Variants in SHANK2 observed in about 807,000 individuals in gnomAD.
SHANK2 encodes the protein SH3 and multiple ankyrin repeat domains 2.
In SHANK2, 43 loss-of-function variants were observed where a neutral mutation model predicts 133.7. The observed-to-expected ratio is 0.32, with a 90% confidence interval of 0.25 to 0.41. The LOEUF (loss-of-function observed/expected upper bound fraction) is 0.41. SHANK2 is among the 10% of genes least tolerant of loss of function. The pLI is 1.00. For synonymous variants in SHANK2, 1,017 were observed against 952.8 expected, an observed-to-expected ratio of 1.07 and a Z score of -1.24; for missense variants, 1,994 against 2,235.8, an observed-to-expected ratio of 0.89 and a Z score of 2.18.
chr11:70,920,703 G>C (rs1270109899), intron 10 of SHANK2, among the ~76,000 whole-genome samples: 2 of 152,220 alleles, frequency 1.3e-5, no homozygotes, highest in African/African-American at 2.4e-5. Context: ...GGGAGAATCT[G>C]AAACCACTAC....
At chr11:71,107,275 G>C (rs1951816064) in intron 6 of SHANK2, among the ~76,000 whole-genome samples, 1 of 152,158 alleles carries the variant, frequency 6.6e-6, no homozygotes, top group Non-Finnish European at 1.5e-5. Context: ...CACGCATTCT[G>C]TCCTTGAGCA....
chr11:70,550,857 C>T (rs2059756399), intron 17 of SHANK2, among the ~76,000 whole-genome samples: 3 of 152,194 alleles, frequency 2.0e-5, no homozygotes, highest in Admixed American at 1.3e-4. Flanking sequence ...GCCTCAGGGC[C>T]TCCATGGAGC....
chr11:70,612,389 C>G (rs540840720), intron 17 of SHANK2, among the ~76,000 whole-genome samples: 1 of 152,184 alleles, frequency 6.6e-6, no homozygotes, highest in Non-Finnish European at 1.5e-5. Flanking sequence ...TCGCCAGGTA[C>G]AGCTGCAGGC....
At chr11:70,533,395 T>C (rs908732387) in intron 17 of SHANK2, among the ~76,000 whole-genome samples, 6 of 152,160 alleles carry the variant, frequency 3.9e-5, no homozygotes, top group Admixed American at 2.6e-4. Context: ...TGGACTTCTT[T>C]TTAAAAAGAC....
chr11:71,114,544 G>A (rs1171194262), intron 4 of SHANK2, among the ~76,000 whole-genome samples: 1 of 152,154 alleles, frequency 6.6e-6, no homozygotes, highest in Non-Finnish European at 1.5e-5. Context: ...TTTTCAACTG[G>A]CCAAATAAAC....
intron 17 of SHANK2, among the ~76,000 whole-genome samples, chr11:70,628,545 G>A (rs1269955816): frequency 6.6e-6 from 1 of 152,182 alleles, no homozygotes; most frequent in Non-Finnish European, 1.5e-5. Flanking sequence ...GAAATGTCCT[G>A]CAACAGCTCC....
intron 22 of SHANK2, among the ~76,000 whole-genome samples, chr11:70,490,902 G>A (rs2058878145): frequency 6.6e-6 from 1 of 152,242 alleles, no homozygotes; most frequent in Admixed American, 6.5e-5. Flanking sequence ...AGGTATTGTG[G>A]TGGTGTGTGG....
Position 71,101,319 on chromosome 11 carries a change from G to A in SHANK2, c.593-6631C>T, listed in dbSNP as rs377257970. On this transcript the variant is annotated intron_variant, in intron 6 of 25. Transcript: ENST00000601538. The stretch of plus-strand genomic sequence containing the variant: ...TTCCTTACTGAAGGCACGGCACCTC[G>A]CTCCATCTAAGAGTCACCTATATTC... Among the ~76,000 whole-genome samples the A allele has an allele frequency of 9.2e-5, 14 of 152,184 alleles. No homozygotes were observed. In the East Asian group the frequency reaches 9.7e-4, roughly 11 times the overall value.
At chr11:70,628,152 GT>G (rs1451561242) in intron 17 of SHANK2, among the ~76,000 whole-genome samples, 1 of 152,124 alleles carries the variant, frequency 6.6e-6, no homozygotes, top group Non-Finnish European at 1.5e-5. Context: ...TAGAGACGGG[GT>G]TTCACCATGT....
At chr11:70,874,210 T>C (rs782556376) in intron 11 of SHANK2, among the ~76,000 whole-genome samples, 14 of 152,286 alleles carry the variant, frequency 9.2e-5, no homozygotes, top group South Asian at 4.2e-4. Flanking sequence ...TCCATATCTA[T>C]ATACTCCATC....
intron 17 of SHANK2, among the ~76,000 whole-genome samples, chr11:70,606,756 G>T (rs782422201): frequency 6.6e-6 from 1 of 152,134 alleles, no homozygotes; most frequent in Non-Finnish European, 1.5e-5. Context: ...TGGACCGTCT[G>T]CTCCTTGGGC....
At chr11:70,903,391 T>TA (rs375352181) in intron 10 of SHANK2, among the ~76,000 whole-genome samples, 1 of 125,826 alleles carries the variant, frequency 7.9e-6, no homozygotes. Flanking sequence ...TAAAATAAAG[T>TA]AAATAAAATA....
chr11:70,520,425 AT>A (rs1205908081), intron 17 of SHANK2, among the ~76,000 whole-genome samples: 1 of 151,884 alleles, frequency 6.6e-6, no homozygotes, highest in South Asian at 2.1e-4. Context: ...CTGAATTAAG[AT>A]TTTTTTTCCT....
At chr11:70,717,180 C>T (rs1013196069) in intron 14 of SHANK2, among the ~76,000 whole-genome samples, 6 of 152,204 alleles carry the variant, frequency 3.9e-5, no homozygotes, top group South Asian at 4.1e-4. Flanking sequence ...GCCAGCCTTG[C>T]AGGGACTTTC....
chr11:70,745,928 G>C (rs1204019182), intron 14 of SHANK2, among the ~76,000 whole-genome samples: 1 of 152,238 alleles, frequency 6.6e-6, no homozygotes, highest in Non-Finnish European at 1.5e-5. Flanking sequence ...GTCAAAAAAG[G>C]CCTCGGATGT....
chr11:71,124,583 A>C (rs1455387870), intron 3 of SHANK2, among the ~76,000 whole-genome samples: 8 of 152,104 alleles, frequency 5.3e-5, no homozygotes, highest in African/African-American at 9.7e-5. Context: ...CTCTAGATAA[A>C]GAAGCTGAGC....
chr11:71,199,568 C>T (rs1422945464), intron 2 of SHANK2, among the ~76,000 whole-genome samples: 1 of 152,232 alleles, frequency 6.6e-6, no homozygotes, highest in Non-Finnish European at 1.5e-5. Flanking sequence ...CTAAAACGTG[C>T]ACACTCCCCA....
intron 10 of SHANK2, among the ~76,000 whole-genome samples, chr11:70,928,635 C>T (rs1369263741): frequency 1.3e-5 from 2 of 151,782 alleles, no homozygotes; most frequent in Non-Finnish European, 2.9e-5. Context: ...TGGGTGGGGG[C>T]ATAGGAGGTG....
intron 17 of SHANK2, among the ~76,000 whole-genome samples, chr11:70,547,880 C>T (rs1166923224): frequency 2.0e-5 from 3 of 152,320 alleles, no homozygotes; most frequent in Non-Finnish European, 2.9e-5. Flanking sequence ...CCTGCAAGCC[C>T]GAGGCTGAGC....
Sources: allele counts gnomAD v4.1 joint callset (sites outside exome capture counted in the v4.1 genomes callset), GRCh38; gene constraint gnomAD v4.1.1; transcripts MANE v1.5; gene names NCBI Gene and HGNC (gene_info 2026-07-23, HGNC 2026-07-21).